The following CDK14 variants were observed in gnomAD, a reference collection of about 807,000 sequenced individuals.
The protein encoded by CDK14 is cyclin-dependent kinase 14.
CDK14 carries 34 observed loss-of-function variants against 60.7 expected under a neutral mutation model. The observed-to-expected ratio is 0.56, with a 90% CI of 0.43 to 0.75. The LOEUF is 0.75. CDK14 is among the 30% of genes least tolerant of loss of function. CDK14 has a pLI of 0.00. For missense variants in CDK14, 482 were observed against 564.1 expected (o/e 0.85, Z 1.47); for synonymous variants, 197 against 203.7 (o/e 0.97, Z 0.28).
chr7:90,941,992 G>A (rs1793950921), intron 8 of CDK14, among the ~76,000 whole-genome samples: 1 of 152,196 alleles, frequency 6.6e-6, no homozygotes, highest in Admixed American at 6.5e-5. Context: ...CTACAATGCA[G>A]CTGATATCTG....
intron 2 of CDK14, among the ~76,000 whole-genome samples, chr7:90,704,299 C>G (rs1267934774): frequency 1.3e-5 from 2 of 152,172 alleles, no homozygotes; most frequent in African/African-American, 4.8e-5. Context: ...AGATGAAGTT[C>G]ATAACAAAAC....
chr7:90,657,790 GT>G (rs1409371487), intron 2 of CDK14, among the ~76,000 whole-genome samples: 1 of 152,140 alleles, frequency 6.6e-6, no homozygotes, highest in Non-Finnish European at 1.5e-5. Context: ...ATGGCCATCT[GT>G]TTACTTCATG....
chr7:90,655,353 A>C (rs1366604705), intron 2 of CDK14, among the ~76,000 whole-genome samples: 1 of 152,024 alleles, frequency 6.6e-6, no homozygotes, highest in Non-Finnish European at 1.5e-5. Flanking sequence ...TAAATTTTGT[A>C]CTGGTGTCCC....
At chr7:91,179,192 A>C (rs1044681979) in intron 14 of CDK14, among the ~76,000 whole-genome samples, 1 of 151,946 alleles carries the variant, frequency 6.6e-6, no homozygotes, top group Non-Finnish European at 1.5e-5. Flanking sequence ...TGATGAGTTC[A>C]TGTCCTTTGT....
intron 14 of CDK14, among the ~76,000 whole-genome samples, chr7:91,135,292 A>G (rs1395036707): frequency 1.3e-5 from 2 of 152,186 alleles, no homozygotes; most frequent in African/African-American, 4.8e-5. Context: ...ACTAGAATGA[A>G]TGCCTCACTT....
At chr7:91,060,696 ATTCTT>A (rs1797755124) in intron 11 of CDK14, among the ~76,000 whole-genome samples, 1 of 152,158 alleles carries the variant, frequency 6.6e-6, no homozygotes, top group South Asian at 2.1e-4. Flanking sequence ...TGGTTTGAAA[ATTCTT>A]TTCTTTAAGA....
At chr7:90,868,151 A>G (rs1791246289) in intron 6 of CDK14, among the ~76,000 whole-genome samples, 1 of 151,912 alleles carries the variant, frequency 6.6e-6, no homozygotes, top group Admixed American at 6.6e-5. Flanking sequence ...CAAACTATTT[A>G]TATATATGCA....
At chr7:90,635,274 A>G (rs1287665773) in intron 2 of CDK14, among the ~76,000 whole-genome samples, 8 of 152,184 alleles carry the variant, frequency 5.3e-5, no homozygotes, top group Non-Finnish European at 5.9e-5. Context: ...GAGGTCTAAC[A>G]TGTAAGTCTT....
chr7:91,020,618 T>C (rs922436101), intron 10 of CDK14, among the ~76,000 whole-genome samples: 13 of 152,216 alleles, frequency 8.5e-5, no homozygotes, highest in African/African-American at 2.9e-4. Flanking sequence ...AGTTTGGTGC[T>C]TGTGTTTGAG....
chr7:90,977,662 C>G (rs1269237340), intron 9 of CDK14, among the ~76,000 whole-genome samples: 2 of 151,996 alleles, frequency 1.3e-5, no homozygotes, highest in Non-Finnish European at 2.9e-5. Context: ...ATAGTGTTTG[C>G]CAGTTTTCTC....
Position 91,045,935 on chromosome 7 carries a change from TCA to T in CDK14, c.1081_1082del (p.His361PhefsTer6), listed in dbSNP as rs1268577874. 14 of 1,611,254 alleles carry T rather than the reference TCA, an allele frequency of 8.7e-6. No homozygotes were observed. Among genetic ancestry groups the T allele is most frequent in the Non-Finnish European group, 1.2e-5 (14 of 1,177,504 alleles). On this transcript the variant is annotated frameshift_variant, in exon 11 of 15. Coordinates refer to ENST00000380050, the MANE Select transcript of CDK14 (RefSeq NM_001287135.2). LOFTEE classifies it high-confidence loss of function. The part of the protein sequence containing the change: ...TPNEDTWPGV[H>X]SLPHFKPERF... Reference sequence around the variant, plus strand: ...CAAATGAGGACACATGGCCTGGAGTTCATTCTTTACCACATTTTAAGCCAGGT... The same window carrying T: ...CAAATGAGGACACATGGCCTGGAGTTTTCTTTACCACATTTTAAGCCAGGT...
intron 6 of CDK14, among the ~76,000 whole-genome samples, chr7:90,896,001 G>A (rs1487187386): frequency 6.6e-6 from 1 of 151,698 alleles, no homozygotes; most frequent in African/African-American, 2.4e-5. Context: ...TTGTTTAATT[G>A]TTCAAACTTA....
chr7:90,884,990 A>G (rs1791894218), intron 6 of CDK14, among the ~76,000 whole-genome samples: 1 of 152,250 alleles, frequency 6.6e-6, no homozygotes, highest in Non-Finnish European at 1.5e-5. Context: ...ACCCTAGAGG[A>G]AAACCTAGGC....
intron 5 of CDK14, among the ~76,000 whole-genome samples, chr7:90,801,695 T>C (rs1178883247): frequency 1.3e-5 from 2 of 152,220 alleles, no homozygotes; most frequent in African/African-American, 2.4e-5. Flanking sequence ...TTTATCCAGG[T>C]ATATGGACAT....
chr7:90,907,578 G>A (rs1792750076), intron 7 of CDK14, among the ~76,000 whole-genome samples: 1 of 151,940 alleles, frequency 6.6e-6, no homozygotes, highest in South Asian at 2.1e-4. Flanking sequence ...TTATCATAAT[G>A]ACTTTTCTAG....
intron 2 of CDK14, among the ~76,000 whole-genome samples, chr7:90,663,880 TA>T (rs1347915126): frequency 2.0e-5 from 3 of 152,226 alleles, no homozygotes; most frequent in African/African-American, 7.2e-5. Flanking sequence ...ACATATTTTA[TA>T]TTTTCCTTAA....
At chr7:90,638,191 T>G (rs992964776) in intron 2 of CDK14, among the ~76,000 whole-genome samples, 1 of 152,158 alleles carries the variant, frequency 6.6e-6, no homozygotes, top group Non-Finnish European at 1.5e-5. Flanking sequence ...AGCTGGTTAT[T>G]TTGCTCGTTA....
chr7:90,950,110 A>T (rs1794210447), intron 8 of CDK14, among the ~76,000 whole-genome samples: 1 of 152,160 alleles, frequency 6.6e-6, no homozygotes, highest in South Asian at 2.1e-4. Flanking sequence ...TTGTTTTTTG[A>T]GACGGAGTTT....
At chr7:90,906,715 G>C (rs754422214) in intron 7 of CDK14, among the ~76,000 whole-genome samples, 5 of 151,954 alleles carry the variant, frequency 3.3e-5, no homozygotes, top group Non-Finnish European at 7.4e-5. Flanking sequence ...GACTTGGGTA[G>C]AATTTCAGGC....
Sources: gnomAD v4.1 joint callset for allele counts (sites outside exome capture counted in the v4.1 genomes callset) on GRCh38, gnomAD v4.1.1 for gene constraint, MANE v1.5 for transcripts, NCBI Gene and HGNC (gene_info 2026-07-23, HGNC 2026-07-21) for gene names.